The following SLC35F3 variants were observed in gnomAD, a reference collection of about 807,000 sequenced individuals.
The protein encoded by SLC35F3 is putative thiamine transporter SLC35F3.
SLC35F3 carries 25 observed loss-of-function variants against 49.9 expected under a neutral mutation model. That is an observed-to-expected ratio of 0.50 (90% confidence interval 0.37 to 0.70). The LOEUF is 0.70. SLC35F3 is among the 30% of genes least tolerant of loss of function. The pLI, the probability that SLC35F3 is intolerant of heterozygous loss-of-function variation, is 0.00. For missense variants in SLC35F3, 525 were observed against 639.8 expected (o/e 0.82, Z 1.94); for synonymous variants, 275 against 265.4 (o/e 1.04, Z -0.35).
intron 2 of SLC35F3, among the ~76,000 whole-genome samples, chr1:234,174,604 G>C (rs1389482131): frequency 6.6e-6 from 1 of 152,192 alleles, no homozygotes; most frequent in Non-Finnish European, 1.5e-5. Context: ...AGCAGATGCT[G>C]AAACAGGTTC....
intron 2 of SLC35F3, among the ~76,000 whole-genome samples, chr1:234,148,748 A>C (rs1666031893): frequency 6.6e-6 from 1 of 152,258 alleles, no homozygotes; most frequent in Admixed American, 6.5e-5. Context: ...GGTGATTTGA[A>C]CTAAGATGGT....
chr1:233,988,347 T>C (rs915337656), intron 2 of SLC35F3, among the ~76,000 whole-genome samples: 3 of 152,246 alleles, frequency 2.0e-5, no homozygotes, highest in Non-Finnish European at 2.9e-5. Flanking sequence ...ACTGGATATG[T>C]AAACTTGAAC....
chr1:234,270,484 A>C (rs1668080618), intron 3 of SLC35F3, among the ~76,000 whole-genome samples: 1 of 152,240 alleles, frequency 6.6e-6, no homozygotes, highest in African/African-American at 2.4e-5. Flanking sequence ...TGATACAGAT[A>C]AATAATTTTA....
chr1:233,916,628 A>T (rs1401171605), intron 2 of SLC35F3, among the ~76,000 whole-genome samples: 1 of 152,260 alleles, frequency 6.6e-6, no homozygotes, highest in East Asian at 1.9e-4. Context: ...GATTAATTGT[A>T]AAAATCCTCA....
chr1:234,231,346 A>T lies in SLC35F3; in HGVS notation c.284-71A>T. The T allele has an allele frequency of 7.8e-7, 1 of 1,288,640 alleles. No individual in the cohort carries two copies. Among genetic ancestry groups the T allele is most frequent in the Non-Finnish European group, 1.0e-6 (1 of 963,862 alleles). The allele number at this position is 1,288,640 out of a possible 1,614,324, so 79.8% of individuals were successfully genotyped here. A position where few individuals can be genotyped will look rare whatever the true frequency, so the allele number is the denominator to read the frequency against. On this transcript the variant is annotated intron_variant, in intron 2 of 7. Transcript: ENST00000366618. This position sits in a 1 kb window ranked among gnomAD's most constrained non-coding sequence, Gnocchi z 5.4. Reference sequence around the variant, plus strand: ...GGTAGCTGGTGGTGACAATGGCTGCAGGGCAGCGCCCTGCGAAGTGCAGGG... The same window carrying T: ...GGTAGCTGGTGGTGACAATGGCTGCTGGGCAGCGCCCTGCGAAGTGCAGGG...
rs532801310 is a variant in SLC35F3, at chr1:234,320,881, C to G, written c.1237+694C>G. On this transcript the variant is annotated intron_variant, in intron 7 of 7. Transcript: ENST00000366618. This position sits in a 1 kb window ranked among gnomAD's most constrained non-coding sequence, Gnocchi z 4.8. Reference sequence around the variant, plus strand: ...GAATTTTGGATTTTCTTCCCAGAACCTCCTGGCCTCATACCTGACCTCCCT... The same window carrying G: ...GAATTTTGGATTTTCTTCCCAGAACGTCCTGGCCTCATACCTGACCTCCCT... Among the ~76,000 whole-genome samples the G allele has an allele frequency of 1.3e-5, 2 of 152,112 alleles. No individual in the cohort carries two copies. Among genetic ancestry groups the G allele is most frequent in the South Asian group, 4.1e-4 (2 of 4,824 alleles).
At chr1:234,241,048 G>A (rs1667547382) in intron 3 of SLC35F3, among the ~76,000 whole-genome samples, 1 of 152,146 alleles carries the variant, frequency 6.6e-6, no homozygotes, top group African/African-American at 2.4e-5. Flanking sequence ...AAGCTTAAAA[G>A]CAAAAAGGAG....
intron 2 of SLC35F3, among the ~76,000 whole-genome samples, chr1:233,962,387 T>C (rs931353496): frequency 1.3e-5 from 2 of 152,242 alleles, no homozygotes; most frequent in Non-Finnish European, 2.9e-5. Flanking sequence ...ACAGTTCATC[T>C]TCATTATAAG....
chr1:234,233,010 T>C lies in SLC35F3; in HGVS notation c.608+1269T>C, dbSNP rs1046054679. Among the ~76,000 whole-genome samples the C allele has an allele frequency of 3.9e-5, 6 of 152,206 alleles. No homozygotes were observed. The South Asian group carries it at 8.3e-4, about 21-fold the overall frequency. ...ATAGAATCACATGGCCAGTCTCACATGTCCCCTTAGTGAAACGGATTTGGT... is the reference window on the plus strand; with the variant it reads ...ATAGAATCACATGGCCAGTCTCACACGTCCCCTTAGTGAAACGGATTTGGT... On this transcript the variant is annotated intron_variant, in intron 3 of 7. Coordinates refer to ENST00000366618, the MANE Select transcript of SLC35F3 (RefSeq NM_173508.4).
chr1:234,159,150 T>C (rs1371103501), intron 2 of SLC35F3, among the ~76,000 whole-genome samples: 1 of 152,178 alleles, frequency 6.6e-6, no homozygotes, highest in Non-Finnish European at 1.5e-5. Context: ...TTGTGGAAGA[T>C]GTGCAACATG....
chr1:233,973,397 C>A (rs560238483), intron 2 of SLC35F3, among the ~76,000 whole-genome samples: 2 of 152,150 alleles, frequency 1.3e-5, no homozygotes, highest in Non-Finnish European at 2.9e-5. Flanking sequence ...CCAGTAATCC[C>A]GCAATCTTGA....
At chr1:234,282,866 T>C (rs992588357) in intron 3 of SLC35F3, among the ~76,000 whole-genome samples, 1 of 152,162 alleles carries the variant, frequency 6.6e-6, no homozygotes, top group Non-Finnish European at 1.5e-5. Flanking sequence ...CATAAACCAA[T>C]AGTTGTGACA....
At chr1:234,307,775 A>T (rs1657236121) in intron 3 of SLC35F3, among the ~76,000 whole-genome samples, 1 of 152,170 alleles carries the variant, frequency 6.6e-6, no homozygotes, top group Non-Finnish European at 1.5e-5. Context: ...CACCATGTCC[A>T]TGAGCCTGGA....
intron 2 of SLC35F3, among the ~76,000 whole-genome samples, chr1:234,150,025 G>A (rs1462331292): frequency 6.6e-6 from 1 of 152,164 alleles, no homozygotes; most frequent in Non-Finnish European, 1.5e-5. Flanking sequence ...CAAATCACCA[G>A]TGATTCCCAC....
rs149014977 is a variant in SLC35F3 at position 233,961,736 on chromosome 1, G to A, written c.283+55978G>A. ...CTCCCAAAGTGCTAGGATTATAGGCGTGAGCCACAGCGCCTGGCCTCTCAT... is the reference window on the plus strand; with the variant it reads ...CTCCCAAAGTGCTAGGATTATAGGCATGAGCCACAGCGCCTGGCCTCTCAT... On this transcript the variant is annotated intron_variant, in intron 2 of 7. Transcript: ENST00000366618. 5.7e-3 allele frequency among the ~76,000 whole-genome samples: 867 copies of A among 152,288 alleles called. 6 individuals carry two copies. The highest frequency in any genetic ancestry group is 0.017 in the African/African-American group (701 of 41,558).
chr1:234,291,779 A>G (rs1572137862), intron 3 of SLC35F3, among the ~76,000 whole-genome samples: 1 of 152,240 alleles, frequency 6.6e-6, no homozygotes, highest in East Asian at 1.9e-4. Flanking sequence ...TATTTACGCT[A>G]ATTAGGGTAA....
intron 3 of SLC35F3, among the ~76,000 whole-genome samples, chr1:234,299,221 C>T (rs1253138738): frequency 6.6e-6 from 1 of 151,952 alleles, no homozygotes; most frequent in East Asian, 1.9e-4. Context: ...AAGGAGGAAC[C>T]AAACAAAAAA....
chr1:234,059,579 ATAGAGCTAGAGC>A (rs146323240), intron 2 of SLC35F3, among the ~76,000 whole-genome samples: 1 of 152,016 alleles, frequency 6.6e-6, no homozygotes, highest in Admixed American at 6.6e-5. Context: ...AGAGGTAGAG[ATAGAGCTAGAGC>A]TAGAGCTAGA....
At chr1:233,977,506 C>T (rs1302171426) in intron 2 of SLC35F3, among the ~76,000 whole-genome samples, 8 of 152,246 alleles carry the variant, frequency 5.3e-5, no homozygotes, top group Non-Finnish European at 8.8e-5. Context: ...GGGAGCTGCA[C>T]GTACAACAGT....
Sources: allele counts gnomAD v4.1 joint callset (sites outside exome capture counted in the v4.1 genomes callset), GRCh38; gene constraint gnomAD v4.1.1; non-coding constraint Gnocchi (gnomAD v3.1); transcripts MANE v1.5; gene names NCBI Gene and HGNC (gene_info 2026-07-23, HGNC 2026-07-21).